Variants in MGAT4B observed in about 807,000 individuals in gnomAD.
MGAT4B encodes N-acetylglucosaminyltransferase IVb.
A neutral mutation model predicts 73.9 loss-of-function variants in MGAT4B; 38 were observed. That is an observed-to-expected ratio of 0.51 (90% CI 0.40 to 0.67). MGAT4B has a LOEUF of 0.67. Ranked by LOEUF, MGAT4B falls within the 30% of genes least tolerant of loss-of-function variation. The pLI, the probability that MGAT4B is intolerant of heterozygous loss-of-function variation, is 0.00. For synonymous variants in MGAT4B, 373 were observed against 313.5 expected (o/e 1.19, Z -2.01); for missense variants, 686 against 735.2 (o/e 0.93, Z 0.77).
intron 8 of MGAT4B, 60 bp downstream of exon 8, chr5:179,799,894 G>A (rs919740433): frequency 6.8e-7 from 1 of 1,480,380 alleles, no homozygotes; most frequent in Non-Finnish European, 9.4e-7. Context: ...GGGACTGGGA[G>A]AGAGGATGGC....
chr5:179,803,802 C>T (rs1562620927), intron 1 of MGAT4B: 1 of 152,408 alleles, frequency 6.6e-6, no homozygotes, highest in Non-Finnish European at 1.5e-5. Context: ...ACCCTTCTGT[C>T]ATTTCCCTAC....
intron 5 of MGAT4B, 132 bp downstream of exon 5, chr5:179,800,775 C>T (rs1756884633): frequency 1.8e-6 from 2 of 1,115,238 alleles, no homozygotes; most frequent in Non-Finnish European, 2.6e-6. Context: ...CACACCCACC[C>T]CTCCCCCACC....
At chr5:179,798,300 G>A (rs754734738) in intron 13 of MGAT4B, 23 bp from the exon 14 acceptor site, 8 of 1,612,730 alleles carry the variant, frequency 5.0e-6, no homozygotes, top group South Asian at 4.4e-5. Flanking sequence ...AGTGGTGAGA[G>A]GGTGTCCCTG....
rs1211465736 is a variant in MGAT4B at position 179,799,242 on chromosome 5, G to A, written c.1110C>T (p.Gly370=). The change falls in exon 10 of 15, where the codon GGC becomes GGT. Residue 370 remains glycine, a synonymous_variant. Transcript: ENST00000292591. ...TCTTGCCAGCCAGCGAGGAGTGAGT[G>A]CCCACGTGCTGGAAGAGGGACGGTT... ...RFKPSLFQHV[G]THSSLAGKIQ... is the part of the protein sequence containing the mutation. 2 of 1,614,012 alleles carry A rather than the reference G, an allele frequency of 1.2e-6. No homozygotes were observed. Among genetic ancestry groups the A allele is most frequent in the East Asian group, 2.2e-5 (1 of 44,880 alleles).
Position 179,797,868 on chromosome 5 carries a change from G to A in MGAT4B, c.*177C>T, listed in dbSNP as rs1756716310. The A allele has an allele frequency of 4.6e-6, 4 of 863,410 alleles. No individual in the cohort carries two copies. The highest frequency in any genetic ancestry group is 6.2e-5 in the Admixed American group (2 of 32,228). 53.5% of individuals were successfully genotyped at this position (863,410 alleles called of 1,614,324 possible). ...CTCCTCCGCGGCCCGGCGGGCGGGG[G>A]CAGCACCAGCTCCTAGGGCCTCCGG... On this transcript the variant is annotated 3_prime_UTR_variant, in exon 15 of 15. Coordinates refer to ENST00000292591, the MANE Select transcript of MGAT4B (RefSeq NM_014275.5).
intron 1 of MGAT4B, 112 bp from the exon 2 acceptor site, chr5:179,802,081 C>A: frequency 6.3e-7 from 1 of 1,585,098 alleles, no homozygotes; most frequent in Non-Finnish European, 8.6e-7. Flanking sequence ...AGCTCATTGA[C>A]ATCTGTTCTT....
In MGAT4B at chr5:179,800,145, C is replaced by T. The variant is rs201664255; in HGVS notation, c.795+39G>A. 1.2e-4 allele frequency: 197 copies of T among 1,611,416 alleles called. No individual in the cohort carries two copies. In the African/African-American group the frequency reaches 2.1e-3, roughly 17 times the overall value. Reference sequence around the variant, plus strand: ...CCAGACCCATCGCAGGGCAGGGCGGCGCAGGGCAGGGCAGGGCAACGCAGG... The same window carrying T: ...CCAGACCCATCGCAGGGCAGGGCGGTGCAGGGCAGGGCAGGGCAACGCAGG... On this transcript the variant is annotated intron_variant, in intron 7 of 14. Transcript: ENST00000292591.
intron 1 of MGAT4B, chr5:179,802,399 TCA>T (rs1475270323): frequency 8.2e-7 from 1 of 1,215,490 alleles, no homozygotes; most frequent in Non-Finnish European, 1.0e-6. Context: ...TGCTAGCTCT[TCA>T]CTGTCCTTGT....
rs190630 is a variant in MGAT4B, at chr5:179,800,640, C to T, written c.606-43G>A. ...CTAGTCCGTATGCAGCCTCCAGGGG[C>T]TGAGAGGGGCCGAGCCCACCAGACT... On this transcript the variant is annotated intron_variant, in intron 5 of 14. Coordinates refer to ENST00000292591, the MANE Select transcript of MGAT4B (RefSeq NM_014275.5). The T allele has an allele frequency of 3.6e-6, 5 of 1,402,166 alleles. No individual in the cohort carries two copies. In the South Asian group the frequency reaches 6.0e-5, roughly 17 times the overall value. 86.9% of individuals were successfully genotyped at this position (1,402,166 alleles called of 1,614,324 possible). A position where few individuals can be genotyped will look rare whatever the true frequency, so the allele number is the denominator to read the frequency against.
chr5:179,798,939 T>TA lies in MGAT4B; in HGVS notation c.1331dup (p.Arg445LysfsTer118). ...GTGCTGGCACTGACCGCTCCAGTCT[T>TA]AGAGGTTGGAAGAAGCGGAAGCGGA... On this transcript the variant is annotated frameshift_variant, in exon 11 of 15. Coordinates refer to ENST00000292591, the MANE Select transcript of MGAT4B (RefSeq NM_014275.5). LOFTEE classifies it high-confidence loss of function. The TA allele has an allele frequency of 1.2e-6, 2 of 1,613,482 alleles. No individual in the cohort carries two copies. The highest frequency in any genetic ancestry group is 1.7e-6 in the Non-Finnish European group (2 of 1,180,020).
At chr5:179,805,729 A>G (rs1022242270) in intron 1 of MGAT4B, among the ~76,000 whole-genome samples, 1 of 152,214 alleles carries the variant, frequency 6.6e-6, no homozygotes, top group African/African-American at 2.4e-5. Context: ...GCAGGCAGGC[A>G]GGAGGCCACT....
In MGAT4B at chr5:179,801,339, C is replaced by A; in HGVS notation, c.553G>T (p.Ala185Ser). The stretch of plus-strand genomic sequence containing the variant: ...CCGCGTCCCGGCTCACTCGCCTCGG[C>A]GATCAGCACCACGATGACCGAGTCC... ...KEDSVIVVLI[A>S]ETDSQYTSAV... is the part of the protein sequence containing the mutation. The change falls in exon 4 of 15, where the codon GCC becomes TCC. Residue 185 changes from alanine (A) to serine (S), a missense_variant. Around this residue, in one of 2 missense-constraint regions of MGAT4B, gnomAD observed 449 missense variants for 536.8 expected, o/e 0.84. Transcript: ENST00000292591. The surrounding 1 kb of genome is among the most constrained non-coding windows in gnomAD (Gnocchi z 4.8). The A allele has an allele frequency of 6.2e-7, 1 of 1,608,794 alleles. No homozygotes were observed. Among genetic ancestry groups the A allele is most frequent in the East Asian group, 2.2e-5 (1 of 44,684 alleles).
In MGAT4B at chr5:179,799,554, G is replaced by A. The variant is rs554240006; in HGVS notation, c.993C>T (p.Leu331=). Residue 331 remains leucine, a synonymous_variant, in exon 9 of 15, where the codon CTC becomes CTT. Transcript: ENST00000292591. ...CTTTCACCCACAGAATATGGTCCAG[G>A]AGCCAGTCGATGGGCTTGTCCCGGT... ...MFYRDKPIDW[L]LDHILWVKVC... 2 of 1,614,018 alleles carry A rather than the reference G, an allele frequency of 1.2e-6. No homozygotes were observed. Among genetic ancestry groups the A allele is most frequent in the Admixed American group, 1.7e-5 (1 of 60,032 alleles).
At chr5:179,802,437 A>G (rs1377775784) in intron 1 of MGAT4B, 4 of 1,092,868 alleles carry the variant, frequency 3.7e-6, no homozygotes, top group African/African-American at 3.3e-5. Context: ...CTCACCCTGC[A>G]CTGGATTCTT....
chr5:179,800,075 G>A lies in MGAT4B; in HGVS notation c.796-7C>T. The A allele has an allele frequency of 6.2e-7, 1 of 1,613,442 alleles. No individual in the cohort carries two copies. Among genetic ancestry groups the A allele is most frequent in the Non-Finnish European group, 8.5e-7 (1 of 1,179,482 alleles). ...CCACGATGTCATCCTCCAGCTGCGA[G>A]GTGAGCAGAGAGGGGCTGGGGCTGA... On this transcript the variant is annotated splice_region_variant and splice_polypyrimidine_tract_variant and intron_variant, in intron 7 of 14. Coordinates refer to ENST00000292591, the MANE Select transcript of MGAT4B (RefSeq NM_014275.5).
Position 179,799,119 on chromosome 5 carries a change from G to C in MGAT4B, c.1152C>G (p.Asp384Glu), listed in dbSNP as rs1756790458. 1 of 1,614,012 alleles carries C rather than the reference G, an allele frequency of 6.2e-7. No individual in the cohort carries two copies. Among genetic ancestry groups the C allele is most frequent in the South Asian group, 1.1e-5 (1 of 91,090 alleles). Residue 384 changes from aspartate (D) to glutamate (E), a missense_variant and splice_region_variant, in exon 11 of 15, where the codon GAC becomes GAG. This residue lies in a region of MGAT4B where 449 missense variants were observed against 536.8 expected (regional missense o/e 0.84). Transcript: ENST00000292591. Reference sequence around the variant, plus strand: ...GCAGCGCCTGCTTTCCAAAGTCTTTGTCCTGCAGCGGAGGAGGGACAGCAG... The same window carrying C: ...GCAGCGCCTGCTTTCCAAAGTCTTTCTCCTGCAGCGGAGGAGGGACAGCAG... ...SLAGKIQKLK[D>E]KDFGKQALRK...
Position 179,801,529 on chromosome 5 carries a change from T to C in MGAT4B, c.424+25A>G, listed in dbSNP as rs781081462. ...GGGGGCCACCCGTCCCCCCACCCCG[T>C]GCTCCTCCCTGTCTGCGCCCATACC... On this transcript the variant is annotated intron_variant, in intron 3 of 14. Coordinates refer to ENST00000292591, the MANE Select transcript of MGAT4B (RefSeq NM_014275.5). The surrounding 1 kb of genome is among the most constrained non-coding windows in gnomAD (Gnocchi z 4.8). The C allele has an allele frequency of 1.9e-6, 3 of 1,604,220 alleles. No individual in the cohort carries two copies. The Admixed American group carries it at 5.0e-5, about 27-fold the overall frequency.
chr5:179,799,613 G>T lies in MGAT4B; in HGVS notation c.934C>A (p.Leu312Met), dbSNP rs764137840. 13 of 1,613,728 alleles carry T rather than the reference G, an allele frequency of 8.1e-6. No homozygotes were observed. Among genetic ancestry groups the T allele is most frequent in the Non-Finnish European group, 1.1e-5 (13 of 1,180,046 alleles). Reference sequence around the variant, plus strand: ...AGAATGAACTCTACAATCAGGCTCAGGTCCAGCGACTTGAACATCTTACCT... The same window carrying T: ...AGAATGAACTCTACAATCAGGCTCATGTCCAGCGACTTGAACATCTTACCT... The part of the protein sequence containing the change: ...FIGKMFKSLD[L>M]SLIVEFILMF... The change falls in exon 9 of 15, where the codon CTG becomes ATG. Residue 312 changes from leucine (L) to methionine (M), a missense_variant. Coordinates refer to ENST00000292591, the MANE Select transcript of MGAT4B (RefSeq NM_014275.5).
Position 179,800,607 on chromosome 5 carries a change from G to A in MGAT4B, c.606-10C>T, listed in dbSNP as rs369491366. On this transcript the variant is annotated splice_polypyrimidine_tract_variant and intron_variant, in intron 5 of 14. Transcript: ENST00000292591. ...GATCTCCGTGGGGAACCTGGGGGACGGGAAGGCCTAGTCCGTATGCAGCCT... is the reference window on the plus strand; with the variant it reads ...GATCTCCGTGGGGAACCTGGGGGACAGGAAGGCCTAGTCCGTATGCAGCCT... The A allele has an allele frequency of 1.3e-5, 20 of 1,569,016 alleles. No individual in the cohort carries two copies. Among genetic ancestry groups the A allele is most frequent in the South Asian group, 2.2e-5 (2 of 89,184 alleles).
Sources: allele counts gnomAD v4.1 joint callset (sites outside exome capture counted in the v4.1 genomes callset), GRCh38; gene constraint gnomAD v4.1.1; regional missense constraint gnomAD v4.1.1; non-coding constraint Gnocchi (gnomAD v3.1); transcripts MANE v1.5; gene names NCBI Gene and HGNC (gene_info 2026-07-23, HGNC 2026-07-21).